Variants in PTGFRN observed in about 807,000 individuals in gnomAD.
PTGFRN encodes the protein prostaglandin F2 receptor negative regulator.
A neutral mutation model predicts 83.2 loss-of-function variants in PTGFRN; 35 were observed. The ratio of observed to expected loss-of-function variants is 0.42; its 90% CI spans 0.32 to 0.56. The LOEUF (loss-of-function observed/expected upper bound fraction) is 0.56, where lower values mean the gene tolerates loss of function less well. Ranked by LOEUF, PTGFRN falls within the 20% of genes least tolerant of loss-of-function variation. PTGFRN has a pLI of 0.11. For missense variants in PTGFRN, 1,051 were observed against 1,179.5 expected (o/e 0.89, Z 1.60); for synonymous variants, 519 against 498.6 (o/e 1.04, Z -0.55).
At position 116,910,231 on chromosome 1, in the gene PTGFRN, C is replaced by T; in HGVS notation, c.28C>T (p.Leu10=). 1 of 1,456,940 alleles carries T rather than the reference C, an allele frequency of 6.9e-7. No individual in the cohort carries two copies. The highest frequency in any genetic ancestry group is 9.0e-7 in the Non-Finnish European group (1 of 1,110,968). The allele number at this position is 1,456,940 out of a possible 1,614,324, so 90.3% of individuals were successfully genotyped here. The part of the protein sequence containing the change: MGRLASRPL[L]LALLSLALCR... ...GGGGCGCCTGGCCTCGAGGCCGCTG[C>T]TGCTGGCGCTCCTGTCGTTGGGTGA... is the stretch of plus-strand genomic sequence containing the variant. The change falls in exon 1 of 9, where the codon CTG becomes TTG. Residue 10 remains leucine, a synonymous_variant. Coordinates refer to ENST00000393203, the MANE Select transcript of PTGFRN (RefSeq NM_020440.4).
chr1:116,986,070 T>A (rs561402613), intron 8 of PTGFRN, among the ~76,000 whole-genome samples: 2 of 152,340 alleles, frequency 1.3e-5, no homozygotes, highest in Admixed American at 1.3e-4. Flanking sequence ...CTACTTAGCC[T>A]TTCTGATCCA....
intron 7 of PTGFRN, among the ~76,000 whole-genome samples, chr1:116,981,135 T>G (rs1413475635): frequency 6.6e-6 from 1 of 152,226 alleles, no homozygotes; most frequent in African/African-American, 2.4e-5. Context: ...CCTCATTTAG[T>G]GACCAGTTGA....
chr1:116,967,125 T>G lies in PTGFRN; in HGVS notation c.1854T>G (p.Asn618Lys), dbSNP rs1650862233. Reference sequence around the variant, plus strand: ...AGGATTCTGTGGTGAAGCTGGAGAATTGGACAGATGCATCACGGGTGGATG... The same window carrying G: ...AGGATTCTGTGGTGAAGCTGGAGAAGTGGACAGATGCATCACGGGTGGATG... ...LDQDSVVKLE[N>K]WTDASRVDGV... The change falls in exon 6 of 9, where the codon AAT (asparagine) becomes AAG (lysine). Residue 618 changes from asparagine (N) to lysine (K), a missense_variant. This residue lies in a region of PTGFRN where 719 missense variants were observed against 836.6 expected (regional missense o/e 0.86). Coordinates refer to ENST00000393203, the MANE Select transcript of PTGFRN (RefSeq NM_020440.4). 6.2e-7 allele frequency: 1 copy of G among 1,614,044 alleles called. No individual in the cohort carries two copies. The highest frequency in any genetic ancestry group is 1.3e-5 in the African/African-American group (1 of 74,930).
chr1:116,965,196 G>A (rs755902034), intron 5 of PTGFRN, among the ~76,000 whole-genome samples: 3 of 152,190 alleles, frequency 2.0e-5, no homozygotes, highest in African/African-American at 4.8e-5. Context: ...TCTGCCTGCT[G>A]TTCCATCAGT....
chr1:116,937,613 G>A (rs1649954455), intron 1 of PTGFRN, among the ~76,000 whole-genome samples: 1 of 152,200 alleles, frequency 6.6e-6, no homozygotes. Flanking sequence ...CAGACAAGGA[G>A]ATGAATCAGT....
intron 1 of PTGFRN, among the ~76,000 whole-genome samples, chr1:116,914,107 T>G (rs1485075709): frequency 9.2e-5 from 14 of 152,186 alleles, no homozygotes; most frequent in Admixed American, 9.2e-4. Flanking sequence ...GAGGAAAGGG[T>G]TGGGTGGGAA....
chr1:116,986,718 A>T (rs1326962136), intron 8 of PTGFRN, 83 bp from the exon 9 acceptor site: 1 of 1,376,470 alleles, frequency 7.3e-7, no homozygotes, highest in South Asian at 1.2e-5. Context: ...ATCCTGCTCC[A>T]GTGGGGAAGG....
chr1:116,985,083 T>A, intron 8 of PTGFRN, 98 bp downstream of exon 8: 1 of 1,265,376 alleles, frequency 7.9e-7, no homozygotes, highest in South Asian at 1.4e-5. Context: ...TTGAGGAATG[T>A]GCCATAGCAC....
Position 116,941,902 on chromosome 1 carries a change from A to C in PTGFRN, c.237A>C (p.Pro79=). Residue 79 remains proline (P), a synonymous_variant, in exon 2 of 9, where the codon CCA becomes CCC. Coordinates refer to ENST00000393203, the MANE Select transcript of PTGFRN (RefSeq NM_020440.4). The surrounding 1 kb of genome is among the most constrained non-coding windows in gnomAD (Gnocchi z 5.0). ...ELASTWEVGF[P]AQLYQERLQR... ...CAAGCACCTGGGAGGTGGGGTTCCC[A>C]GCCCAGCTGTACCAGGAGCGGCTGC... 1 of 1,614,208 alleles carries C rather than the reference A, an allele frequency of 6.2e-7. No individual in the cohort carries two copies. The highest frequency in any genetic ancestry group is 2.2e-5 in the East Asian group (1 of 44,880).
Position 116,984,677 on chromosome 1 carries a change from T to G in PTGFRN, c.2168-3T>G, listed in dbSNP as rs1651410680. ...CCCAGGGTTTTGGCTTGGTAATCCG[T>G]AGATGACATGGCCTTTGATGTGTCC... is the stretch of plus-strand genomic sequence containing the variant. On this transcript the variant is annotated splice_polypyrimidine_tract_variant and splice_region_variant and intron_variant, in intron 7 of 8. Transcript: ENST00000393203. The G allele has an allele frequency of 6.2e-7, 1 of 1,612,598 alleles. No homozygotes were observed. The highest frequency in any genetic ancestry group is 8.5e-7 in the Non-Finnish European group (1 of 1,179,092).
At chr1:116,977,000 A>G (rs1406952598) in intron 7 of PTGFRN, among the ~76,000 whole-genome samples, 1 of 152,216 alleles carries the variant, frequency 6.6e-6, no homozygotes, top group African/African-American at 2.4e-5. Flanking sequence ...AGAGACACAC[A>G]TAGGCTCAAA....
chr1:116,976,199 G>A lies in PTGFRN; in HGVS notation c.2167+1876G>A, dbSNP rs917800617. ...AAAAGAGTAAAAAGAAATGAACAAA[G>A]CCTCCAAGAAATATGGGACTATGTG... On this transcript the variant is annotated intron_variant, in intron 7 of 8. Transcript: ENST00000393203. Among the ~76,000 whole-genome samples the A allele has an allele frequency of 8.8e-4, 134 of 152,288 alleles. 1 individual carries two copies. The highest frequency in any genetic ancestry group is 3.1e-3 in the African/African-American group (127 of 41,550).
At position 116,985,885 on chromosome 1, in the gene PTGFRN, CT is replaced by C. The variant is rs371867695; in HGVS notation, c.2473+902del. Among the ~76,000 whole-genome samples the C allele has an allele frequency of 3.5e-3, 539 of 152,216 alleles. 5 individuals are homozygous for C. Among genetic ancestry groups the C allele is most frequent in the South Asian group, 0.026 (126 of 4,824 alleles). On this transcript the variant is annotated intron_variant, in intron 8 of 8. Transcript: ENST00000393203. ...CATCCCAGAGTGGGGACAGTTGTTC[CT>C]TGGTTTACAAAAAACATGTCTCCTT...
chr1:116,957,150 G>GCT (rs1174685812), intron 4 of PTGFRN, among the ~76,000 whole-genome samples: 119 of 137,620 alleles, frequency 8.6e-4, no homozygotes, highest in African/African-American at 3.2e-3. Flanking sequence ...TCGCTGGCTC[G>GCT]CTGTGTGTGT....
rs1651373982 is a variant in PTGFRN at position 116,983,392 on chromosome 1, AG to A, written c.2168-1287del. On this transcript the variant is annotated intron_variant, in intron 7 of 8. Transcript: ENST00000393203. ...GTTAAGAGTTTTCACTGAAGACGAG[AG>A]TGATGCGGGTGTCCACTCTGCCCTT... is the stretch of plus-strand genomic sequence containing the variant. Among the ~76,000 whole-genome samples the A allele has an allele frequency of 2.0e-5, 3 of 151,110 alleles. No individual in the cohort carries two copies. The South Asian group carries it at 6.3e-4, about 32-fold the overall frequency.
chr1:116,960,188 CA>C (rs932731191), intron 4 of PTGFRN, among the ~76,000 whole-genome samples: 1 of 152,144 alleles, frequency 6.6e-6, no homozygotes, highest in African/African-American at 2.4e-5. Context: ...TCTGGGGACC[CA>C]GGACCAGGTG....
intron 1 of PTGFRN, among the ~76,000 whole-genome samples, chr1:116,910,877 C>G (rs1284293692): frequency 6.6e-6 from 1 of 152,198 alleles, no homozygotes; most frequent in Non-Finnish European, 1.5e-5. Context: ...TTTCTTGAAG[C>G]TGCCTAGCTG....
chr1:116,950,947 C>T (rs1216696477), intron 4 of PTGFRN, among the ~76,000 whole-genome samples: 1 of 152,152 alleles, frequency 6.6e-6, no homozygotes, highest in African/African-American at 2.4e-5. Context: ...TCCTTAGCAA[C>T]CTTCAAAATA....
intron 3 of PTGFRN, among the ~76,000 whole-genome samples, chr1:116,947,841 AAG>A (rs1650239959): frequency 6.6e-6 from 1 of 152,162 alleles, no homozygotes; most frequent in East Asian, 1.9e-4. Context: ...GGCCCTTTTA[AAG>A]AGATGATCGA....
Sources: gnomAD v4.1 joint callset for allele counts (sites outside exome capture counted in the v4.1 genomes callset) on GRCh38, gnomAD v4.1.1 for gene constraint, gnomAD v4.1.1 regional missense constraint, Gnocchi (gnomAD v3.1) non-coding constraint, MANE v1.5 for transcripts, NCBI Gene and HGNC (gene_info 2026-07-23, HGNC 2026-07-21) for gene names.